NAV3: variants seen among roughly 807,000 people sequenced by gnomAD.
NAV3 encodes the protein neuron navigator 3.
Under a neutral mutation model 244.7 loss-of-function variants are expected in NAV3, and 87 were observed. The observed-to-expected ratio is 0.36, with a 90% CI of 0.30 to 0.42. NAV3 has a LOEUF of 0.42. NAV3 is among the 20% of genes least tolerant of loss of function. The pLI is 1.00. For missense variants in NAV3, 2,663 were observed against 2,893.3 expected, an observed-to-expected ratio of 0.92 and a Z score of 1.83; for synonymous variants, 1,126 against 1,042.2, an observed-to-expected ratio of 1.08 and a Z score of -1.55.
At chr12:77,917,745 T>C (rs1290681450) in intron 1 of NAV3, among the ~76,000 whole-genome samples, 2 of 152,062 alleles carry the variant, frequency 1.3e-5, no homozygotes, top group African/African-American at 4.8e-5. Context: ...GGTGGCTTCT[T>C]ATTCTTGCTG....
chr12:78,135,849 T>C (rs961664050), intron 18 of NAV3, among the ~76,000 whole-genome samples: 3 of 152,128 alleles, frequency 2.0e-5, no homozygotes. Flanking sequence ...CTTTCTTCTT[T>C]TTTTCCAATA....
In NAV3 at chr12:78,006,457, G is replaced by T; in HGVS notation, c.919G>T (p.Gly307Cys). Residue 307 changes from glycine to cysteine, a missense_variant, in exon 8 of 40, where the codon GGT becomes TGT. This residue lies in a region of NAV3 where 1,521 missense variants were observed against 1,497.0 expected (regional missense o/e 1.02). Coordinates refer to ENST00000397909, the MANE Select transcript of NAV3 (RefSeq NM_001024383.2). ...ACCTCAATCGTCTTCAGGTGTAAAT[G>T]GTAACGTGCAGCCTCCCAGTACTGC... ...KGPQSSSGVN[G>C]NVQPPSTAGQ... 1 of 1,614,036 alleles carries T rather than the reference G, an allele frequency of 6.2e-7. No homozygotes were observed. The highest frequency in any genetic ancestry group is 1.1e-5 in the South Asian group (1 of 91,070).
At chr12:77,894,915 G>C (rs1241986054) in intron 1 of NAV3, among the ~76,000 whole-genome samples, 2 of 152,290 alleles carry the variant, frequency 1.3e-5, no homozygotes, top group South Asian at 2.1e-4. Context: ...CACTGTGCTT[G>C]CCAAATACAG....
chr12:78,015,415 T>C (rs1330239785), intron 8 of NAV3, among the ~76,000 whole-genome samples: 1 of 152,122 alleles, frequency 6.6e-6, no homozygotes, highest in Non-Finnish European at 1.5e-5. Context: ...ATTGATATAT[T>C]GATGGCTAGG....
At chr12:77,685,129 A>G (rs958739702) in intron 2 of NAV3, among the ~76,000 whole-genome samples, 1 of 152,162 alleles carries the variant, frequency 6.6e-6, no homozygotes, top group Non-Finnish European at 1.5e-5. Flanking sequence ...AGTTGCTTTG[A>G]GTACTTACAT....
At chr12:77,851,743 C>T (rs1410616832) in intron 1 of NAV3, among the ~76,000 whole-genome samples, 1 of 152,080 alleles carries the variant, frequency 6.6e-6, no homozygotes, top group Non-Finnish European at 1.5e-5. Context: ...AAATTCACAA[C>T]TAATTGTATT....
intron 1 of NAV3, among the ~76,000 whole-genome samples, chr12:77,847,842 G>A (rs555415359): frequency 1.3e-5 from 2 of 152,166 alleles, no homozygotes; most frequent in Admixed American, 6.5e-5. Flanking sequence ...ACTCTATCAC[G>A]ATGTTGACCT....
intron 2 of NAV3, among the ~76,000 whole-genome samples, chr12:77,697,733 A>T (rs79745119): frequency 6.6e-6 from 1 of 152,128 alleles, no homozygotes; most frequent in Non-Finnish European, 1.5e-5. Context: ...CCTGACCTCA[A>T]TGTGCTTATA....
At chr12:78,062,490 A>G (rs1593436298) in intron 12 of NAV3, among the ~76,000 whole-genome samples, 1 of 152,272 alleles carries the variant, frequency 6.6e-6, no homozygotes, top group East Asian at 1.9e-4. Flanking sequence ...ATGGATATTA[A>G]CATATCAAAG....
chr12:77,816,412 G>A (rs962971788), intron 2 of NAV3, among the ~76,000 whole-genome samples: 1 of 152,192 alleles, frequency 6.6e-6, no homozygotes, highest in African/African-American at 2.4e-5. Flanking sequence ...TGGAACAGTA[G>A]TGTCAGATAG....
chr12:77,760,495 G>C (rs899063146), intron 2 of NAV3, among the ~76,000 whole-genome samples: 2 of 152,200 alleles, frequency 1.3e-5, no homozygotes, highest in African/African-American at 4.8e-5. Context: ...TGTACTAGTA[G>C]CAGTTGGAGA....
intron 2 of NAV3, among the ~76,000 whole-genome samples, chr12:77,601,713 T>TA (rs1870436234): frequency 6.6e-6 from 1 of 151,964 alleles, no homozygotes; most frequent in Non-Finnish European, 1.5e-5. Flanking sequence ...AGACATGTTT[T>TA]ATAGAAGATT....
rs1189857646 is a variant in NAV3, at chr12:78,210,673, C to G, written c.*156C>G. On this transcript the variant is annotated 3_prime_UTR_variant, in exon 40 of 40. Transcript: ENST00000397909. ...GGAGGCAGCAGAACTAAGTCTGAAC[C>G]GCCAAGATGCTAAATTGCAATGGAA... 3.9e-6 allele frequency: 3 copies of G among 760,124 alleles called. No homozygotes were observed. The highest frequency in any genetic ancestry group is 6.3e-6 in the Non-Finnish European group (3 of 476,890). The allele number at this position is 760,124 out of a possible 1,614,324, so 47.1% of individuals were successfully genotyped here.
chr12:77,977,819 T>A (rs1211101379), intron 5 of NAV3, among the ~76,000 whole-genome samples: 2 of 152,018 alleles, frequency 1.3e-5, no homozygotes, highest in Non-Finnish European at 2.9e-5. Flanking sequence ...CTGGTAAAAG[T>A]TGATACTTGT....
intron 2 of NAV3, among the ~76,000 whole-genome samples, chr12:77,744,341 G>A (rs557707641): frequency 6.6e-6 from 1 of 151,944 alleles, no homozygotes; most frequent in Non-Finnish European, 1.5e-5. Context: ...TCAACAAATG[G>A]TTCTCTAACA....
At chr12:78,132,384 C>T (rs1956202700) in intron 18 of NAV3, among the ~76,000 whole-genome samples, 1 of 152,058 alleles carries the variant, frequency 6.6e-6, no homozygotes, top group African/African-American at 2.4e-5. Flanking sequence ...GTGGGTTTCC[C>T]CCCTTAATCT....
intron 2 of NAV3, among the ~76,000 whole-genome samples, chr12:77,629,828 G>A (rs533556258): frequency 3.7e-4 from 56 of 152,058 alleles, no homozygotes; most frequent in Non-Finnish European, 6.6e-4. Flanking sequence ...TGCCTACCAC[G>A]TTGAAAATTG....
chr12:77,632,307 G>A (rs544829361), intron 2 of NAV3, among the ~76,000 whole-genome samples: 73 of 152,124 alleles, frequency 4.8e-4, no homozygotes, highest in Non-Finnish European at 1.0e-3. Flanking sequence ...TTTTCACACT[G>A]GTGGTAAACA....
At position 78,119,355 on chromosome 12, in the gene NAV3, C is replaced by G. The variant is rs746590378; in HGVS notation, c.3159C>G (p.Pro1053=). ...GTGGAGATGAAGGGAAAAAGCCCCCCTCAGGCATTGGAAGATCGACTGCCA... is the reference window on the plus strand; with the variant it reads ...GTGGAGATGAAGGGAAAAAGCCCCCGTCAGGCATTGGAAGATCGACTGCCA... ...KSSGDEGKKP[P]SGIGRSTATS... is the part of the protein sequence containing the mutation. The change falls in exon 15 of 40, where the codon CCC becomes CCG. Residue 1053 remains proline, a synonymous_variant. Transcript: ENST00000397909. The G allele has an allele frequency of 2.5e-6, 4 of 1,614,158 alleles. No homozygotes were observed. The Admixed American group carries it at 6.7e-5, about 27-fold the overall frequency.
Sources: gnomAD v4.1 joint callset for allele counts (sites outside exome capture counted in the v4.1 genomes callset) on GRCh38, gnomAD v4.1.1 for gene constraint, gnomAD v4.1.1 regional missense constraint, MANE v1.5 for transcripts, NCBI Gene and HGNC (gene_info 2026-07-23, HGNC 2026-07-21) for gene names.